The following ARHGAP10 variants were observed in gnomAD, a reference collection of about 807,000 sequenced individuals.
The protein encoded by ARHGAP10 is rho GTPase-activating protein 10.
In ARHGAP10, 87 loss-of-function variants were observed where a neutral mutation model predicts 108.6. The observed-to-expected ratio is 0.80, with a 90% CI of 0.67 to 0.96. The LOEUF is 0.96. Ranked by LOEUF, ARHGAP10 falls within the 40% of genes least tolerant of loss-of-function variation. ARHGAP10 has a pLI of 0.00. For synonymous variants in ARHGAP10, 347 were observed against 341.1 expected (o/e 1.02, Z -0.19); for missense variants, 939 against 954.5 (o/e 0.98, Z 0.21).
At chr4:147,869,195 G>A (rs1734698197) in intron 7 of ARHGAP10, among the ~76,000 whole-genome samples, 1 of 152,106 alleles carries the variant, frequency 6.6e-6, no homozygotes, top group African/African-American at 2.4e-5. Context: ...TCTGAGCGCA[G>A]GGCCCTGTGG....
chr4:147,879,442 GTAAA>G, intron 9 of ARHGAP10, 104 bp downstream of exon 9: 1 of 954,412 alleles, frequency 1.0e-6, no homozygotes, highest in Non-Finnish European at 1.5e-6. Flanking sequence ...TTCATGGATG[GTAAA>G]TAAATTGTTA....
In ARHGAP10 at chr4:147,742,609, G is replaced by A. The variant is rs569579020; in HGVS notation, c.154+10154G>A. Reference sequence around the variant, plus strand: ...AGCGATTCTCCTGCCCCAGCATCCCGAGTAGCTGGGATTATAGGCACCTGC... The same window carrying A: ...AGCGATTCTCCTGCCCCAGCATCCCAAGTAGCTGGGATTATAGGCACCTGC... On this transcript the variant is annotated intron_variant, in intron 1 of 22. Coordinates refer to ENST00000336498, the MANE Select transcript of ARHGAP10 (RefSeq NM_024605.4). Among the ~76,000 whole-genome samples the A allele has an allele frequency of 2.3e-4, 34 of 145,966 alleles. No individual in the cohort carries two copies. In the East Asian group the frequency reaches 6.9e-3, roughly 30 times the overall value.
chr4:147,907,585 G>A (rs975752825), intron 11 of ARHGAP10, among the ~76,000 whole-genome samples: 1 of 152,186 alleles, frequency 6.6e-6, no homozygotes, highest in African/African-American at 2.4e-5. Flanking sequence ...TATGAAATGG[G>A]CAAAAGCTAA....
chr4:147,738,577 C>T (rs1261346621), intron 1 of ARHGAP10, among the ~76,000 whole-genome samples: 7 of 151,682 alleles, frequency 4.6e-5, no homozygotes, highest in Admixed American at 1.3e-4. Flanking sequence ...AATTATAATA[C>T]GACCTACTAT....
chr4:147,841,281 G>A (rs1051702759), intron 3 of ARHGAP10, among the ~76,000 whole-genome samples: 12 of 152,324 alleles, frequency 7.9e-5, no homozygotes, highest in African/African-American at 2.2e-4. Flanking sequence ...GGCATTTTGC[G>A]ACTTCTTTTC....
chr4:147,892,295 A>C (rs1735820391), intron 10 of ARHGAP10, among the ~76,000 whole-genome samples: 1 of 152,220 alleles, frequency 6.6e-6, no homozygotes, highest in African/African-American at 2.4e-5. Context: ...TTCTCAATTT[A>C]AAAGAGTGAG....
intron 1 of ARHGAP10, among the ~76,000 whole-genome samples, chr4:147,757,558 TG>T (rs2126700700): frequency 6.6e-6 from 1 of 152,336 alleles, no homozygotes; most frequent in South Asian, 2.1e-4. Context: ...TTTGCTGCCA[TG>T]TCCATCATCT....
chr4:147,788,011 G>A (rs1304388813), intron 1 of ARHGAP10, among the ~76,000 whole-genome samples: 1 of 152,072 alleles, frequency 6.6e-6, no homozygotes, highest in Admixed American at 6.5e-5. Flanking sequence ...AGAAAACTTC[G>A]TGAGAATTTA....
chr4:147,760,119 C>T (rs1198228011), intron 1 of ARHGAP10, among the ~76,000 whole-genome samples: 1 of 152,082 alleles, frequency 6.6e-6, no homozygotes, highest in Non-Finnish European at 1.5e-5. Context: ...CCCACTAGCC[C>T]CATGGTCTTG....
intron 4 of ARHGAP10, among the ~76,000 whole-genome samples, chr4:147,852,687 C>T (rs1733918862): frequency 2.1e-5 from 3 of 145,070 alleles, no homozygotes; most frequent in East Asian, 2.0e-4. Context: ...TATTTCTGGT[C>T]TCAGAACATC....
chr4:148,066,856 A>G (rs534260720), intron 22 of ARHGAP10, among the ~76,000 whole-genome samples: 110 of 152,322 alleles, frequency 7.2e-4, no homozygotes, highest in Non-Finnish European at 1.1e-3. Context: ...CTGAGTTGCT[A>G]TAGACGTATG....
At chr4:147,796,981 C>T (rs1364779117) in intron 1 of ARHGAP10, among the ~76,000 whole-genome samples, 1 of 152,112 alleles carries the variant, frequency 6.6e-6, no homozygotes, top group Non-Finnish European at 1.5e-5. Context: ...ATGTAGTTTT[C>T]CTCTTTCTCT....
intron 7 of ARHGAP10, 54 bp downstream of exon 7, chr4:147,866,870 T>G: frequency 7.0e-7 from 1 of 1,420,524 alleles, no homozygotes; most frequent in Non-Finnish European, 9.9e-7. Flanking sequence ...TATTTTTCAT[T>G]TGTGTGTTGT....
intron 1 of ARHGAP10, among the ~76,000 whole-genome samples, chr4:147,785,775 A>G (rs973779027): frequency 1.3e-5 from 2 of 152,176 alleles, no homozygotes; most frequent in African/African-American, 4.8e-5. Flanking sequence ...TATTTCATAT[A>G]AGGAAGATTG....
chr4:148,007,681 C>T (rs550786910), intron 18 of ARHGAP10, among the ~76,000 whole-genome samples: 8 of 152,326 alleles, frequency 5.3e-5, no homozygotes, highest in South Asian at 4.1e-4. Flanking sequence ...TTCAGCAATT[C>T]GGAAGGCTTT....
chr4:147,972,759 C>CT (rs150559095), intron 18 of ARHGAP10, among the ~76,000 whole-genome samples: 6,813 of 145,076 alleles, frequency 0.047, 167 homozygotes, highest in Middle Eastern at 0.058. Flanking sequence ...AGTGACATTT[C>CT]TTTTTTTTTT....
chr4:147,776,545 T>A (rs1730298600), intron 1 of ARHGAP10, among the ~76,000 whole-genome samples: 1 of 152,226 alleles, frequency 6.6e-6, no homozygotes, highest in Admixed American at 6.5e-5. Flanking sequence ...TAATACTTGT[T>A]CTGGTTCAAT....
intron 1 of ARHGAP10, among the ~76,000 whole-genome samples, chr4:147,739,186 C>CAA (rs59965552): frequency 0.01 from 728 of 69,894 alleles, 7 homozygotes; most frequent in African/African-American, 0.029. Context: ...GACTCTGTCT[C>CAA]AAAAAAAAAA....
At chr4:147,765,406 G>A (rs1413378510) in intron 1 of ARHGAP10, among the ~76,000 whole-genome samples, 1 of 150,672 alleles carries the variant, frequency 6.6e-6, no homozygotes, top group Non-Finnish European at 1.5e-5. Flanking sequence ...AGACTGCAAA[G>A]TAATGGGTGT....
Sources: allele counts gnomAD v4.1 joint callset (sites outside exome capture counted in the v4.1 genomes callset), GRCh38; gene constraint gnomAD v4.1.1; transcripts MANE v1.5; gene names NCBI Gene and HGNC (gene_info 2026-07-23, HGNC 2026-07-21).